The following PITPNC1 variants were observed in gnomAD, a reference collection of about 807,000 sequenced individuals.
PITPNC1 encodes the protein cytoplasmic phosphatidylinositol transfer protein 1.
PITPNC1 carries 18 observed loss-of-function variants against 44.7 expected under a neutral mutation model. That is an observed-to-expected ratio of 0.40 (90% CI 0.28 to 0.60). The LOEUF is 0.60. Ranked by LOEUF, PITPNC1 falls within the 20% of genes least tolerant of loss-of-function variation. The probability of loss-of-function intolerance (pLI) is 0.39; values close to 1 mark genes in which losing one functional copy is unlikely to be tolerated. For synonymous variants in PITPNC1, 141 were observed against 149.6 expected (o/e 0.94, Z 0.42); for missense variants, 290 against 418.4 (o/e 0.69, Z 2.68).
chr17:67,691,078 G>A (rs2042918809), intron 8 of PITPNC1, among the ~76,000 whole-genome samples: 1 of 150,614 alleles, frequency 6.6e-6, no homozygotes, highest in South Asian at 2.1e-4. Flanking sequence ...ACTCCGGCCT[G>A]TGCAACAGAG....
At chr17:67,599,043 T>A (rs1472035591) in intron 5 of PITPNC1, among the ~76,000 whole-genome samples, 53 of 121,122 alleles carry the variant, frequency 4.4e-4, no homozygotes, top group Non-Finnish European at 7.5e-4. Context: ...TATTTTTTTT[T>A]TTTTTTTTTT....
Sources: gnomAD v4.1 joint callset for allele counts (sites outside exome capture counted in the v4.1 genomes callset) on GRCh38, gnomAD v4.1.1 for gene constraint, MANE v1.5 for transcripts, NCBI Gene and HGNC (gene_info 2026-07-23, HGNC 2026-07-21) for gene names.